Variants in CSPP1 observed in about 807,000 individuals in gnomAD.
The protein encoded by CSPP1 is centrosome and spindle pole associated protein 1, also known as centrosome and spindle pole-associated protein 1.
CSPP1 carries 126 observed loss-of-function variants against 164.4 expected under a neutral mutation model. The observed-to-expected ratio is 0.77, with a 90% confidence interval of 0.66 to 0.89. The LOEUF (loss-of-function observed/expected upper bound fraction) is 0.89. Among genes scored for constraint, CSPP1 ranks in the 40% least tolerant of loss-of-function variants. The pLI is 0.00. For missense variants in CSPP1, 1,395 were observed against 1,449.8 expected (o/e 0.96, Z 0.61); for synonymous variants, 472 against 476.7 (o/e 0.99, Z 0.13).
intron 24 of CSPP1, among the ~76,000 whole-genome samples, chr8:67,167,986 C>T (rs13282048): frequency 6.6e-6 from 1 of 152,232 alleles, no homozygotes; most frequent in Non-Finnish European, 1.5e-5. Context: ...GATCACGCCA[C>T]TGCATTCCAG....
intron 17 of CSPP1, among the ~76,000 whole-genome samples, chr8:67,145,713 A>G (rs962577685): frequency 3.3e-5 from 5 of 151,618 alleles, no homozygotes; most frequent in Non-Finnish European, 7.4e-5. Flanking sequence ...TTTTTAGTAG[A>G]GACGGGGTTT....
chr8:67,193,529 T>C lies in CSPP1; in HGVS notation c.3396T>C (p.Val1132=), dbSNP rs781075610. ...LSLKSISSVN[V]DELRVRNEER... ...TAAAATCTATATCCAGTGTAAATGT[T>C]GATGAGCTTAGAGTGAGAAATGAGG... Residue 1132 remains valine (V), a synonymous_variant, in exon 30 of 31, where the codon GTT becomes GTC. Transcript: ENST00000678616. 2.2e-5 allele frequency: 36 copies of C among 1,613,100 alleles called. No homozygotes were observed. In the South Asian group the frequency reaches 3.8e-4, roughly 17 times the overall value.
At chr8:67,122,463 A>G (rs1041382970) in intron 15 of CSPP1, among the ~76,000 whole-genome samples, 22 of 152,108 alleles carry the variant, frequency 1.4e-4, no homozygotes, top group African/African-American at 4.8e-4. Flanking sequence ...ATATTTTCCA[A>G]TTTTTAAAAA....
chr8:67,103,645 C>CA (rs747059154), intron 8 of CSPP1, among the ~76,000 whole-genome samples: 1,409 of 128,396 alleles, frequency 0.011, 19 homozygotes, highest in African/African-American at 0.028. Context: ...ACTGAAAATA[C>CA]AAAAAAAAAA....
chr8:67,194,431 A>G (rs991778691), intron 30 of CSPP1, among the ~76,000 whole-genome samples: 1 of 152,234 alleles, frequency 6.6e-6, no homozygotes, highest in Admixed American at 6.5e-5. Flanking sequence ...TTCCACACCA[A>G]ACACAAAGCA....
intron 21 of CSPP1, among the ~76,000 whole-genome samples, chr8:67,160,030 T>TCTTTTCTTTC (rs1827983220): frequency 9.2e-6 from 1 of 109,174 alleles, no homozygotes; most frequent in East Asian, 2.2e-4. Flanking sequence ...TCTTTTCTTT[T>TCTTTTCTTTC]CTTTTTCTTT....
At chr8:67,111,949 A>G (rs570054146) in intron 9 of CSPP1, 23 bp from the exon 10 acceptor site, 138 of 1,465,784 alleles carry the variant, frequency 9.4e-5, no homozygotes, top group East Asian at 7.1e-4. Flanking sequence ...TTAAGATTGT[A>G]TTTTTCTCAT....
chr8:67,150,432 C>T (rs1295614691), intron 18 of CSPP1, among the ~76,000 whole-genome samples: 2 of 151,464 alleles, frequency 1.3e-5, no homozygotes, highest in Non-Finnish European at 2.9e-5. Context: ...GAGATGGAGT[C>T]TCACTTTGTT....
intron 28 of CSPP1, among the ~76,000 whole-genome samples, chr8:67,180,927 C>T (rs1832858491): frequency 6.6e-6 from 1 of 151,906 alleles, no homozygotes; most frequent in African/African-American, 2.4e-5. Flanking sequence ...ATCCTAGGGC[C>T]ATCAGGGAAT....
chr8:67,109,933 G>T lies in CSPP1; in HGVS notation c.1094-2039G>T, dbSNP rs1040846755. Among the ~76,000 whole-genome samples the T allele has an allele frequency of 3.3e-5, 5 of 152,098 alleles. No individual in the cohort carries two copies. In the South Asian group the frequency reaches 1.0e-3, roughly 32 times the overall value. On this transcript the variant is annotated intron_variant, in intron 9 of 30. Coordinates refer to ENST00000678616, the MANE Select transcript of CSPP1 (RefSeq NM_001382391.1). ...CAGTAAAGCTGTCTGTGCTACTCCC[G>T]TTATCTTATACAGCTGTGGGTACGT...
chr8:67,066,590 G>A (rs1019774331), intron 1 of CSPP1, among the ~76,000 whole-genome samples: 1 of 151,950 alleles, frequency 6.6e-6, no homozygotes, highest in Non-Finnish European at 1.5e-5. Flanking sequence ...ATTCTGAGTT[G>A]TAGACATTTT....
chr8:67,170,073 T>G (rs1198259983), intron 24 of CSPP1, among the ~76,000 whole-genome samples: 1 of 152,126 alleles, frequency 6.6e-6, no homozygotes, highest in Admixed American at 6.5e-5. Context: ...GATTTGTGTC[T>G]TAGGCTGAGG....
chr8:67,107,195 G>A (rs1815750432), intron 9 of CSPP1, among the ~76,000 whole-genome samples: 1 of 152,008 alleles, frequency 6.6e-6, no homozygotes, highest in South Asian at 2.1e-4. Flanking sequence ...TTACAGGCAT[G>A]TGCCACCATG....
At position 67,195,390 on chromosome 8, in the gene CSPP1, A is replaced by G; in HGVS notation, c.3478A>G (p.Ser1160Gly). Residue 1160 changes from serine (S) to glycine (G), a missense_variant, in exon 31 of 31, where the codon AGT (serine) becomes GGT (glycine). Transcript: ENST00000678616. ...HNKPINTDDE[S>G]SLVDPDDIMK... is the part of the protein sequence containing the mutation. Reference sequence around the variant, plus strand: ...TCCCTTGCCTCCTGTAGATGATGAGAGTTCACTGGTTGACCCTGATGACAT... The same window carrying G: ...TCCCTTGCCTCCTGTAGATGATGAGGGTTCACTGGTTGACCCTGATGACAT... 18 of 1,613,316 alleles carry G rather than the reference A, an allele frequency of 1.1e-5. No individual in the cohort carries two copies. The highest frequency in any genetic ancestry group is 3.3e-4 in the Middle Eastern group (2 of 5,986).
rs1812526194 is a variant in CSPP1 at position 67,095,299 on chromosome 8, A to T, written c.490A>T (p.Ser164Cys). The change falls in exon 7 of 31, where the codon AGT (serine) becomes TGT (cysteine). Residue 164 changes from serine (S) to cysteine (C), a missense_variant. Transcript: ENST00000678616. ...RQVEKSTEPKSQRNKKPIGQV... is the reference protein window; with the variant it reads ...RQVEKSTEPKCQRNKKPIGQV... ...TTCTTTTTTAATTGAACAGCCCAAG[A>T]GTCAGAGAAATAAAAAACCTATTGG... 6.4e-7 allele frequency: 1 copy of T among 1,560,324 alleles called. No individual in the cohort carries two copies. The highest frequency in any genetic ancestry group is 8.6e-7 in the Non-Finnish European group (1 of 1,160,442).
chr8:67,185,372 T>C (rs554456474), intron 28 of CSPP1, among the ~76,000 whole-genome samples: 69 of 152,308 alleles, frequency 4.5e-4, no homozygotes, highest in African/African-American at 1.6e-3. Context: ...GCACCAGTTA[T>C]CTTAAAGAAC....
At chr8:67,150,029 C>T in intron 18 of CSPP1, 94 bp downstream of exon 18, 1 of 1,267,222 alleles carries the variant, frequency 7.9e-7, no homozygotes. Context: ...TTATTGGGAT[C>T]TTGAGAATTT....
At chr8:67,141,053 G>T (rs1563662357) in intron 17 of CSPP1, among the ~76,000 whole-genome samples, 1 of 152,204 alleles carries the variant, frequency 6.6e-6, no homozygotes, top group Admixed American at 6.5e-5. Context: ...ATTATAAATT[G>T]ATAGAAGTTA....
chr8:67,172,417 A>G lies in CSPP1; in HGVS notation c.2830A>G (p.Lys944Glu). The change falls in exon 25 of 31, where the codon AAA (lysine) becomes GAA (glutamate). Residue 944 changes from lysine (K) to glutamate (E), a missense_variant and splice_region_variant. Physicochemically the swap from Lys to Glu is moderately conservative, Grantham distance 56. Transcript: ENST00000678616. ...TTATGATTTGTCATTTATCTATAGGAAAAAGGAAAGGAATCCCATGGATAT... is the reference window on the plus strand; with the variant it reads ...TTATGATTTGTCATTTATCTATAGGGAAAAGGAAAGGAATCCCATGGATAT... ...MDSDDEIPIR[K>E]KERNPMDIFD... The G allele has an allele frequency of 6.2e-7, 1 of 1,610,072 alleles. No individual in the cohort carries two copies. Among genetic ancestry groups the G allele is most frequent in the Non-Finnish European group, 8.5e-7 (1 of 1,177,312 alleles).
Sources: gnomAD v4.1 joint callset for allele counts (sites outside exome capture counted in the v4.1 genomes callset) on GRCh38, gnomAD v4.1.1 for gene constraint, MANE v1.5 for transcripts, NCBI Gene and HGNC (gene_info 2026-07-23, HGNC 2026-07-21) for gene names.